Variants in CNTN6 observed in about 807,000 individuals in gnomAD.
CNTN6 encodes the protein contactin 6, also known as contactin-6.
In CNTN6, 137 loss-of-function variants were observed where a neutral mutation model predicts 122.8. The observed-to-expected ratio is 1.12, with a 90% CI of 0.97 to 1.29. The LOEUF is 1.29. Among genes scored for constraint, CNTN6 ranks in the 50% most tolerant of loss-of-function variants. The pLI is 0.00. For synonymous variants in CNTN6, 570 were observed against 426.0 expected (o/e 1.34, Z -4.16); for missense variants, 1,634 against 1,223.4 (o/e 1.34, Z -5.01).
rs570649436 is a variant in CNTN6, at chr3:1,361,339, T to C, written c.1492+8888T>C. 1.4e-4 allele frequency among the ~76,000 whole-genome samples: 22 copies of C among 152,258 alleles called. No homozygotes were observed. In the South Asian group the frequency reaches 4.4e-3, roughly 30 times the overall value. ...AAGCTACAATGTTGCTATTAAAATA[T>C]AGGCAAGATTTTGTCACTCTTAGGA... On this transcript the variant is annotated intron_variant, in intron 12 of 22. Coordinates refer to ENST00000446702, the MANE Select transcript of CNTN6 (RefSeq NM_001289080.2).
rs3043051 is a variant in CNTN6 at position 1,142,968 on chromosome 3, GTATATATATATATATA to G, written c.-82-4939_-82-4924del. Among the ~76,000 whole-genome samples, 140 of 128,624 alleles carry G rather than the reference GTATATATATATATATA, an allele frequency of 1.1e-3. 3 individuals carry two copies. Among genetic ancestry groups the G allele is most frequent in the African/African-American group, 2.2e-3 (72 of 32,424 alleles). 84.4% of individuals were successfully genotyped at this position (128,624 alleles called of 152,430 possible). A position where few individuals can be genotyped will look rare whatever the true frequency, so the allele number is the denominator to read the frequency against. ...TACATATAAATTTGTGTGTGTGTGT[GTATATATATATATATA>G]TATATATATATATATATATGTATAT... On this transcript the variant is annotated intron_variant, in intron 1 of 22. Transcript: ENST00000446702.
rs902221676 is a variant in CNTN6, at chr3:1,277,366, T to C, written c.359-1047T>C. On this transcript the variant is annotated intron_variant, in intron 4 of 22. Coordinates refer to ENST00000446702, the MANE Select transcript of CNTN6 (RefSeq NM_001289080.2). ...GTTTTCTTTTTTTTTTTTTTTTTTT[T>C]TTTTTTTTTTTGAGACCGATTCTGG... Among the ~76,000 whole-genome samples the C allele has an allele frequency of 2.2e-5, 3 of 133,938 alleles. No individual in the cohort carries two copies. The Admixed American group carries it at 2.3e-4, about 10-fold the overall frequency. The allele number at this position is 133,938 out of a possible 152,430, so 87.9% of individuals were successfully genotyped here.
At chr3:1,220,371 A>T (rs1233848257) in intron 2 of CNTN6, among the ~76,000 whole-genome samples, 1 of 152,158 alleles carries the variant, frequency 6.6e-6, no homozygotes, top group African/African-American at 2.4e-5. Context: ...ATAGAATTTT[A>T]TTAGAAAAAA....
chr3:1,189,963 G>A (rs1559482769), intron 2 of CNTN6, among the ~76,000 whole-genome samples: 1 of 152,306 alleles, frequency 6.6e-6, no homozygotes, highest in East Asian at 1.9e-4. Flanking sequence ...GGTTGTATTA[G>A]TCAGCTCAGT....
At chr3:1,119,083 G>C (rs1200491069) in intron 1 of CNTN6, among the ~76,000 whole-genome samples, 1 of 152,028 alleles carries the variant, frequency 6.6e-6, no homozygotes, top group Non-Finnish European at 1.5e-5. Context: ...TGGCAGATTT[G>C]AAGGAGAGGC....
At chr3:1,163,612 T>G (rs1320980479) in intron 2 of CNTN6, among the ~76,000 whole-genome samples, 1 of 152,244 alleles carries the variant, frequency 6.6e-6, no homozygotes, top group Middle Eastern at 3.4e-3. Flanking sequence ...CAGATGAGGT[T>G]TTGCTATGCT....
intron 20 of CNTN6, among the ~76,000 whole-genome samples, chr3:1,387,955 C>A (rs537668337): frequency 3.6e-4 from 55 of 152,196 alleles, no homozygotes; most frequent in African/African-American, 1.2e-3. Context: ...AGTCTGAGAT[C>A]AAACTGCAAG....
intron 1 of CNTN6, among the ~76,000 whole-genome samples, chr3:1,135,231 C>T (rs552825259): frequency 1.3e-5 from 2 of 152,222 alleles, no homozygotes; most frequent in East Asian, 1.9e-4. Context: ...ATTCTTGCCT[C>T]TCTTTTGCAG....
intron 17 of CNTN6, among the ~76,000 whole-genome samples, chr3:1,379,403 C>T (rs1339897918): frequency 5.3e-5 from 8 of 152,120 alleles, no homozygotes; most frequent in East Asian, 1.9e-4. Flanking sequence ...CAACAATAGA[C>T]GCTAGCGTCT....
intron 9 of CNTN6, 29 bp from the exon 10 acceptor site, chr3:1,327,428 G>C (rs1575717256): frequency 3.1e-6 from 5 of 1,601,804 alleles, no homozygotes; most frequent in Non-Finnish European, 4.3e-6. Context: ...TAACGTACAA[G>C]CATCTTTATA....
chr3:1,200,215 G>C (rs1490049166), intron 2 of CNTN6, among the ~76,000 whole-genome samples: 1 of 152,148 alleles, frequency 6.6e-6, no homozygotes, highest in Non-Finnish European at 1.5e-5. Context: ...TGTACCGTTA[G>C]TAGAGATGGG....
intron 2 of CNTN6, among the ~76,000 whole-genome samples, chr3:1,202,259 G>A (rs1418087488): frequency 6.6e-6 from 1 of 152,374 alleles, no homozygotes; most frequent in Non-Finnish European, 1.5e-5. Context: ...AACATGTTTG[G>A]GCCGGGCGCG....
chr3:1,185,987 C>A (rs533916650), intron 2 of CNTN6, among the ~76,000 whole-genome samples: 12 of 152,234 alleles, frequency 7.9e-5, no homozygotes, highest in Non-Finnish European at 1.5e-4. Flanking sequence ...TCACCTACTA[C>A]ATCCAAAACA....
chr3:1,229,380 C>T (rs1388331053), intron 4 of CNTN6, among the ~76,000 whole-genome samples: 1 of 152,104 alleles, frequency 6.6e-6, no homozygotes, highest in Non-Finnish European at 1.5e-5. Context: ...ACAACATACA[C>T]ATGATATGAA....
intron 4 of CNTN6, among the ~76,000 whole-genome samples, chr3:1,276,600 A>AT (rs1313171508): frequency 6.6e-6 from 1 of 152,144 alleles, no homozygotes; most frequent in East Asian, 1.9e-4. Flanking sequence ...ACGTCCCTAC[A>AT]TTTTTTATAT....
chr3:1,218,029 T>C (rs2094151779), intron 2 of CNTN6, among the ~76,000 whole-genome samples: 1 of 152,144 alleles, frequency 6.6e-6, no homozygotes, highest in Non-Finnish European at 1.5e-5. Context: ...GAGGTAGGCA[T>C]CCATGTGCAT....
chr3:1,174,336 T>C (rs1195542672), intron 2 of CNTN6, among the ~76,000 whole-genome samples: 1 of 152,198 alleles, frequency 6.6e-6, no homozygotes, highest in Non-Finnish European at 1.5e-5. Context: ...TAGGAGCTCA[T>C]AGAATGTCCT....
Position 1,402,354 on chromosome 3 carries a change from A to AT in CNTN6, c.2858dup (p.Leu953PhefsTer9), listed in dbSNP as rs1222309151. On this transcript the variant is annotated frameshift_variant, in exon 22 of 23. Transcript: ENST00000446702. LOFTEE classifies it high-confidence loss of function. ...GCAAAACAGACAGAGTAAAACTCAT[A>AT]TTTTGGAAACAAACAATACATCAGC... The AT allele has an allele frequency of 6.2e-7, 1 of 1,611,560 alleles. No homozygotes were observed. Among genetic ancestry groups the AT allele is most frequent in the South Asian group, 1.1e-5 (1 of 90,924 alleles).
At chr3:1,354,773 A>G (rs909968173) in intron 12 of CNTN6, among the ~76,000 whole-genome samples, 3 of 151,450 alleles carry the variant, frequency 2.0e-5, no homozygotes, top group Non-Finnish European at 4.4e-5. Context: ...ACAGTTTTCA[A>G]TTTTTCAGGG....
Sources: allele counts gnomAD v4.1 joint callset (sites outside exome capture counted in the v4.1 genomes callset), GRCh38; gene constraint gnomAD v4.1.1; transcripts MANE v1.5; gene names NCBI Gene and HGNC (gene_info 2026-07-23, HGNC 2026-07-21).